MBD5: variants seen among roughly 807,000 people sequenced by gnomAD.
MBD5 encodes methyl-CpG binding domain protein 5.
MBD5 carries 13 observed loss-of-function variants against 117.3 expected under a neutral mutation model. That is an observed-to-expected ratio of 0.11 (90% CI 0.07 to 0.18). MBD5 has a LOEUF of 0.18. MBD5 is among the 10% of genes least tolerant of loss of function. The pLI is 1.00. For missense variants in MBD5, 1,879 were observed against 2,093.8 expected, an observed-to-expected ratio of 0.90 and a Z score of 2.00; for synonymous variants, 727 against 766.4, an observed-to-expected ratio of 0.95 and a Z score of 0.85.
intron 3 of MBD5, among the ~76,000 whole-genome samples, chr2:148,337,241 T>C (rs901856522): frequency 6.6e-6 from 1 of 152,172 alleles, no homozygotes; most frequent in Non-Finnish European, 1.5e-5. Flanking sequence ...TGCATTCTTG[T>C]GTACTCTATG....
intron 2 of MBD5, among the ~76,000 whole-genome samples, chr2:148,214,921 C>G (rs1699515563): frequency 6.6e-6 from 1 of 152,144 alleles, no homozygotes; most frequent in Non-Finnish European, 1.5e-5. Context: ...TATGAAATTA[C>G]TGGTAAGGTA....
At chr2:148,078,119 C>A (rs1234405) in intron 1 of MBD5, among the ~76,000 whole-genome samples, 89,328 of 151,864 alleles carry the variant, frequency 0.59, 26,574 homozygotes, top group Middle Eastern at 0.7. Context: ...TTTGGGAAAA[C>A]TCCTCTTTCA....
intron 1 of MBD5, among the ~76,000 whole-genome samples, chr2:148,034,342 G>A (rs1694126496): frequency 6.6e-6 from 1 of 152,138 alleles, no homozygotes; most frequent in Non-Finnish European, 1.5e-5. Context: ...TTCTACTGTT[G>A]TTTAGCGAAG....
At chr2:148,510,159 A>G in intron 13 of MBD5, 24 bp downstream of exon 13, 2 of 1,538,370 alleles carry the variant, frequency 1.3e-6, no homozygotes, top group South Asian at 2.2e-5. Flanking sequence ...TTTTTCCATT[A>G]TACTACGTTT....
intron 2 of MBD5, among the ~76,000 whole-genome samples, chr2:148,188,454 G>A (rs1250726434): frequency 2.0e-5 from 3 of 152,116 alleles, no homozygotes; most frequent in Admixed American, 6.6e-5. Context: ...GGGAGGCCAA[G>A]GGAGGAGGAT....
chr2:148,260,141 A>G (rs111411087), intron 3 of MBD5, among the ~76,000 whole-genome samples: 19,269 of 152,286 alleles, frequency 0.13, 1,479 homozygotes, highest in Non-Finnish European at 0.18. Context: ...CATAAAATGC[A>G]GTTTGATAGA....
In MBD5 at chr2:148,021,552, A is replaced by G. The variant is rs1573920111; in HGVS notation, c.-1057A>G. Reference sequence around the variant, plus strand: ...GCCCTGGCTGGAGACATCTCACTACACCCAGGAGCAGCCACTTCCCCAGCT... The same window carrying G: ...GCCCTGGCTGGAGACATCTCACTACGCCCAGGAGCAGCCACTTCCCCAGCT... On this transcript the variant is annotated 5_prime_UTR_variant, in exon 1 of 14. Coordinates refer to ENST00000642680, the MANE Select transcript of MBD5 (RefSeq NM_001378120.1). 5 of 542,872 alleles carry G rather than the reference A, an allele frequency of 9.2e-6. No individual in the cohort carries two copies. The highest frequency in any genetic ancestry group is 1.8e-5 in the Non-Finnish European group (5 of 281,820). The allele number at this position is 542,872 out of a possible 1,614,324, so 33.6% of individuals were successfully genotyped here.
At chr2:148,155,176 G>A (rs747019035) in intron 1 of MBD5, among the ~76,000 whole-genome samples, 7 of 152,228 alleles carry the variant, frequency 4.6e-5, no homozygotes, top group South Asian at 2.1e-4. Flanking sequence ...GAGGATAAAA[G>A]TTGCAGTTCT....
At chr2:148,100,592 T>G (rs1481593081) in intron 1 of MBD5, among the ~76,000 whole-genome samples, 1 of 152,132 alleles carries the variant, frequency 6.6e-6, no homozygotes, top group African/African-American at 2.4e-5. Context: ...TCTGCAACAT[T>G]GTTTATTCGT....
Position 148,296,863 on chromosome 2 carries a change from A to ATTTTT in MBD5, c.-679-45351_-679-45350insTTTTT, listed in dbSNP as rs1559010681. On this transcript the variant is annotated intron_variant, in intron 3 of 13. Coordinates refer to ENST00000642680, the MANE Select transcript of MBD5 (RefSeq NM_001378120.1). ...TAAGCATAGTTTGCTTTAGTTCTTC[A>ATTTTT]ATTTTTTTTTTTTTTTTTTTTGGAG... Among the ~76,000 whole-genome samples, 143 of 37,594 alleles carry ATTTTT rather than the reference A, an allele frequency of 3.8e-3. 8 individuals are homozygous for ATTTTT. Among genetic ancestry groups the ATTTTT allele is most frequent in the Non-Finnish European group, 5.9e-3 (112 of 18,858 alleles). The allele number at this position is 37,594 out of a possible 152,430, so 24.7% of individuals were successfully genotyped here.
chr2:148,221,804 T>A (rs1699693800), intron 2 of MBD5, among the ~76,000 whole-genome samples: 1 of 152,158 alleles, frequency 6.6e-6, no homozygotes, highest in African/African-American at 2.4e-5. Context: ...CCTGTGCTCG[T>A]AGGGTATTAC....
chr2:148,163,451 C>T (rs569479571), intron 1 of MBD5, among the ~76,000 whole-genome samples: 7 of 151,782 alleles, frequency 4.6e-5, no homozygotes, highest in South Asian at 2.1e-4. Flanking sequence ...GACGGAGTTT[C>T]GCTCTTGTTG....
chr2:148,142,623 A>G (rs1328204974), intron 1 of MBD5, among the ~76,000 whole-genome samples: 2 of 152,168 alleles, frequency 1.3e-5, no homozygotes, highest in African/African-American at 2.4e-5. Context: ...AGAGAAACAC[A>G]TAGACAAATG....
rs1380887245 is a variant in MBD5, at chr2:148,470,226, C to T, written c.2283C>T (p.Cys761=). ...NIPLRGEAVH[C]HNANTNFVHS... ...CTTTAAGAGGGGAAGCCGTGCACTGCCACAATGCAAACACTAACTTTGTTC... is the reference window on the plus strand; with the variant it reads ...CTTTAAGAGGGGAAGCCGTGCACTGTCACAATGCAAACACTAACTTTGTTC... The change falls in exon 8 of 14, where the codon TGC becomes TGT. Residue 761 remains cysteine, a synonymous_variant. Coordinates refer to ENST00000642680, the MANE Select transcript of MBD5 (RefSeq NM_001378120.1). 1 of 1,613,952 alleles carries T rather than the reference C, an allele frequency of 6.2e-7. No individual in the cohort carries two copies. Among genetic ancestry groups the T allele is most frequent in the East Asian group, 2.2e-5 (1 of 44,862 alleles).
chr2:148,444,324 A>C (rs1050528045), intron 4 of MBD5, among the ~76,000 whole-genome samples: 1 of 151,098 alleles, frequency 6.6e-6, no homozygotes, highest in East Asian at 1.9e-4. Context: ...TTCCTTTCTT[A>C]TTAAAGCAAA....
At chr2:148,510,031 ATCTGG>A (rs1372746233) in intron 12 of MBD5, 24 bp from the exon 13 acceptor site, 1 of 1,503,062 alleles carries the variant, frequency 6.7e-7, no homozygotes, top group Admixed American at 1.7e-5. Context: ...TAATTTTTTA[ATCTGG>A]TGTGTTGTTT....
At chr2:148,202,120 A>G (rs1167671765) in intron 2 of MBD5, among the ~76,000 whole-genome samples, 2 of 152,208 alleles carry the variant, frequency 1.3e-5, no homozygotes, top group Non-Finnish European at 2.9e-5. Context: ...AGCTGGCATA[A>G]ACAGTGAAGG....
chr2:148,229,143 AT>A (rs781112388), intron 2 of MBD5, among the ~76,000 whole-genome samples: 14 of 149,048 alleles, frequency 9.4e-5, no homozygotes, highest in Non-Finnish European at 1.8e-4. Context: ...TTTTGAGGCT[AT>A]TTTGCAGCCT....
At chr2:148,351,889 G>A (rs959508956) in intron 4 of MBD5, among the ~76,000 whole-genome samples, 1 of 152,008 alleles carries the variant, frequency 6.6e-6, no homozygotes, top group Non-Finnish European at 1.5e-5. Context: ...AAGTCTAAAA[G>A]TATAATCTCT....
Sources: gnomAD v4.1 joint callset for allele counts (sites outside exome capture counted in the v4.1 genomes callset) on GRCh38, gnomAD v4.1.1 for gene constraint, MANE v1.5 for transcripts, NCBI Gene and HGNC (gene_info 2026-07-23, HGNC 2026-07-21) for gene names.